SIGLEC12: variants seen among roughly 807,000 people sequenced by gnomAD.
SIGLEC12 encodes sialic acid-binding Ig-like lectin 12.
A neutral mutation model predicts 54.1 loss-of-function variants in SIGLEC12; 43 were observed. The observed-to-expected ratio is 0.80, with a 90% CI of 0.62 to 1.03. SIGLEC12 has a LOEUF of 1.03. Ranked by LOEUF, SIGLEC12 falls within the 50% of genes least tolerant of loss-of-function variation. The pLI, the probability that SIGLEC12 is intolerant of heterozygous loss-of-function variation, is 0.00. For synonymous variants in SIGLEC12, 357 were observed against 307.6 expected (o/e 1.16, Z -1.68); for missense variants, 802 against 735.2 (o/e 1.09, Z -1.05).
intron 7 of SIGLEC12, among the ~76,000 whole-genome samples, chr19:51,493,949 C>T (rs1000921295): frequency 8.5e-5 from 13 of 152,360 alleles, no homozygotes; most frequent in African/African-American, 2.9e-4. Flanking sequence ...CAGCCAGACA[C>T]GATTCACACA....
rs770869287 is a variant in SIGLEC12, at chr19:51,501,452, G to T, written c.282C>A (p.His94Gln). The T allele has an allele frequency of 6.2e-7, 1 of 1,614,220 alleles. No individual in the cohort carries two copies. Among genetic ancestry groups the T allele is most frequent in the South Asian group, 1.1e-5 (1 of 91,090 alleles). ...AVQEETRDRF[H>Q]LLGDPQNKDC... Reference sequence around the variant, plus strand: ...CCTTGTTCTGTGGGTCCCCAAGGAGGTGGAATCGGTCCCGAGTCTCCTCCT... The same window carrying T: ...CCTTGTTCTGTGGGTCCCCAAGGAGTTGGAATCGGTCCCGAGTCTCCTCCT... Residue 94 changes from histidine to glutamine, a missense_variant, in exon 1 of 8, where the codon CAC becomes CAA. Transcript: ENST00000291707.
chr19:51,495,913 T>G (rs1214749460), intron 7 of SIGLEC12, among the ~76,000 whole-genome samples: 1 of 150,930 alleles, frequency 6.6e-6, no homozygotes, highest in African/African-American at 2.4e-5. Flanking sequence ...AATCAGGGAG[T>G]GGGGAGAAAA....
Position 51,496,915 on chromosome 19 carries a change from C to T in SIGLEC12, c.1564G>A (p.Glu522Lys). The change falls in exon 7 of 8, where the codon GAG becomes AAG. Residue 522 changes from glutamate to lysine, a missense_variant. Transcript: ENST00000291707. Reference sequence around the variant, plus strand: ...GAGCCCCTGACAGCGTTTGCGTCCTCCATGCCTGTATCCCCCACGCCCACT... The same window carrying T: ...GAGCCCCTGACAGCGTTTGCGTCCTTCATGCCTGTATCCCCCACGCCCACT... ...PAVGVGDTGMEDANAVRGSAS... is the reference protein window; with the variant it reads ...PAVGVGDTGMKDANAVRGSAS... 1.9e-6 allele frequency: 3 copies of T among 1,613,996 alleles called. No homozygotes were observed. Among genetic ancestry groups the T allele is most frequent in the Non-Finnish European group, 2.5e-6 (3 of 1,180,034 alleles).
At position 51,491,499 on chromosome 19, in the gene SIGLEC12, G is replaced by GC. The variant is rs1476009291; in HGVS notation, c.*141dup. 1 of 792,150 alleles carries GC rather than the reference G, an allele frequency of 1.3e-6. No individual in the cohort carries two copies. Among genetic ancestry groups the GC allele is most frequent in the Non-Finnish European group, 2.0e-6 (1 of 493,090 alleles). 49.1% of individuals were successfully genotyped at this position (792,150 alleles called of 1,614,324 possible). A position where few individuals can be genotyped will look rare whatever the true frequency, so the allele number is the denominator to read the frequency against. ...AAGGGAGAGTTTGGTCATCAGGCAC[G>GC]CATTTTCAGTTTGACAAGAGGAATA... On this transcript the variant is annotated 3_prime_UTR_variant, in exon 8 of 8. Coordinates refer to ENST00000291707, the MANE Select transcript of SIGLEC12 (RefSeq NM_053003.4).
Position 51,498,980 on chromosome 19 carries a change from G to T in SIGLEC12, c.1135+190C>A, listed in dbSNP as rs533720315. On this transcript the variant is annotated intron_variant, in intron 4 of 7. Coordinates refer to ENST00000291707, the MANE Select transcript of SIGLEC12 (RefSeq NM_053003.4). Reference sequence around the variant, plus strand: ...CTTGCTGTGGGGCCAAAATAGGTGTGTGTGTGGAGGAGTTCAAGGGGAGTG... The same window carrying T: ...CTTGCTGTGGGGCCAAAATAGGTGTTTGTGTGGAGGAGTTCAAGGGGAGTG... Among the ~76,000 whole-genome samples the T allele has an allele frequency of 4.6e-5, 7 of 152,244 alleles. No homozygotes were observed. In the South Asian group the frequency reaches 8.3e-4, roughly 18 times the overall value.
chr19:51,501,702 A>G lies in SIGLEC12; in HGVS notation c.32T>C (p.Leu11Pro), dbSNP rs1990403384. 14 of 1,611,776 alleles carry G rather than the reference A, an allele frequency of 8.7e-6. No homozygotes were observed. Among genetic ancestry groups the G allele is most frequent in the African/African-American group, 1.3e-5 (1 of 74,878 alleles). Reference protein sequence around the residue: MLLLLLLLPPLLCGRVGAKEQ... With the variant: MLLLLLLLPPPLCGRVGAKEQ... The stretch of plus-strand genomic sequence containing the variant: ...CTTAGCCCCCACTCTCCCACAGAGC[A>G]GGGGTGGCAGCAGTAGCAGCAGCAG... The change falls in exon 1 of 8, where the codon CTG (leucine) becomes CCG (proline). Residue 11 changes from leucine (L) to proline (P), a missense_variant. By Grantham distance (98) the Leu-to-Pro change is moderately conservative. Transcript: ENST00000291707.
Position 51,499,944 on chromosome 19 carries a change from C to A in SIGLEC12, c.784G>T (p.Asp262Tyr), listed in dbSNP as rs1262955207. Reference sequence around the variant, plus strand: ...CCTGTCACATGCACAGAGAGCTTGTCATATATGTAGTTCCATTTCCTGCTT... The same window carrying A: ...CCTGTCACATGCACAGAGAGCTTGTAATATATGTAGTTCCATTTCCTGCTT... ...RGSRKWNYIY[D>Y]KLSVHVTALT... The change falls in exon 2 of 8, where the codon GAC (aspartate) becomes TAC (tyrosine). Residue 262 changes from aspartate to tyrosine, a missense_variant. Coordinates refer to ENST00000291707, the MANE Select transcript of SIGLEC12 (RefSeq NM_053003.4). 1 of 1,613,064 alleles carries A rather than the reference C, an allele frequency of 6.2e-7. No homozygotes were observed. Among genetic ancestry groups the A allele is most frequent in the Non-Finnish European group, 8.5e-7 (1 of 1,179,408 alleles).
At chr19:51,497,583 TCTC>T (rs1671853389) in intron 5 of SIGLEC12, 138 bp from the exon 6 acceptor site, 1 of 602,578 alleles carries the variant, frequency 1.7e-6, no homozygotes. Flanking sequence ...GAAGGGAACT[TCTC>T]CTGAGGTCAC....
At chr19:51,495,354 CAGACGGGTGGGT>C (rs1990211073) in intron 7 of SIGLEC12, among the ~76,000 whole-genome samples, 1 of 21,366 alleles carries the variant, frequency 4.7e-5, no homozygotes, top group South Asian at 2.7e-3. Flanking sequence ...GATGGATGGA[CAGACGGGTGGGT>C]GGATGGATGG....
chr19:51,497,283 G>A, intron 6 of SIGLEC12, 66 bp downstream of exon 6: 1 of 1,426,132 alleles, frequency 7.0e-7, no homozygotes, highest in Non-Finnish European at 9.8e-7. Context: ...TCCAGGTCTG[G>A]CTTCAGGGAT....
At chr19:51,496,768 G>A (rs1005773340) in intron 7 of SIGLEC12, 112 bp downstream of exon 7, 8 of 1,204,348 alleles carry the variant, frequency 6.6e-6, no homozygotes, top group African/African-American at 4.5e-5. Flanking sequence ...TGGACAGGAC[G>A]TGATTTTTCG....
intron 5 of SIGLEC12, among the ~76,000 whole-genome samples, 158 bp from the exon 6 acceptor site, chr19:51,497,603 A>G (rs1990277062): frequency 6.6e-6 from 1 of 152,258 alleles, no homozygotes; most frequent in South Asian, 2.1e-4. Flanking sequence ...TCACTGAGGC[A>G]TGAGAGTGCT....
rs986462449 is a variant in SIGLEC12 at position 51,492,883 on chromosome 19, G to T, written c.1600-1054C>A. The stretch of plus-strand genomic sequence containing the variant: ...CAGAACTTTAAGTTAATCCATGTTT[G>T]TTGTTTGAAGCCAGGAAATGTGTGG... On this transcript the variant is annotated intron_variant, in intron 7 of 7. Transcript: ENST00000291707. Among the ~76,000 whole-genome samples the T allele has an allele frequency of 1.1e-4, 17 of 152,224 alleles. No homozygotes were observed. In the East Asian group the frequency reaches 3.3e-3, roughly 29 times the overall value.
rs1568527285 is a variant in SIGLEC12 at position 51,491,731 on chromosome 19, TG to T, written c.1697del (p.Ala566AspfsTer40). 4 of 1,613,770 alleles carry T rather than the reference TG, an allele frequency of 2.5e-6. No individual in the cohort carries two copies. The highest frequency in any genetic ancestry group is 3.4e-6 in the Non-Finnish European group (4 of 1,179,900). ...PSPEEGEIQY[A>X]SLSFHKARPQ... ...GCCTCGCTTTGTGGAAGCTGAGGGA[TG>T]CATACTGGATCTCTCCTTCCTCTGG... is the stretch of plus-strand genomic sequence containing the variant. On this transcript the variant is annotated frameshift_variant, in exon 8 of 8. Coordinates refer to ENST00000291707, the MANE Select transcript of SIGLEC12 (RefSeq NM_053003.4). LOFTEE classifies it low-confidence loss of function (END_TRUNC).
intron 4 of SIGLEC12, among the ~76,000 whole-genome samples, chr19:51,498,524 C>T (rs1370071167): frequency 6.6e-6 from 1 of 152,198 alleles, no homozygotes; most frequent in Non-Finnish European, 1.5e-5. Context: ...GCTTTTAGGA[C>T]TTTATTCCAT....
Position 51,499,720 on chromosome 19 carries a change from G to A in SIGLEC12, c.809-4C>T. ...AAGGTGGGCATGTGAGTCAGGGCTG[G>A]TGATGAAAGGGAGACAGGCAAAATG... On this transcript the variant is annotated splice_region_variant and splice_polypyrimidine_tract_variant and intron_variant, in intron 2 of 7. Coordinates refer to ENST00000291707, the MANE Select transcript of SIGLEC12 (RefSeq NM_053003.4). 1.9e-6 allele frequency: 3 copies of A among 1,613,602 alleles called. No homozygotes were observed. Among genetic ancestry groups the A allele is most frequent in the Admixed American group, 1.7e-5 (1 of 59,944 alleles).
chr19:51,500,239 C>T lies in SIGLEC12; in HGVS notation c.489G>A (p.Glu163=). 1.2e-6 allele frequency: 2 copies of T among 1,614,194 alleles called. No homozygotes were observed. Among genetic ancestry groups the T allele is most frequent in the Non-Finnish European group, 8.5e-7 (1 of 1,180,022 alleles). The change falls in exon 2 of 8, where the codon GAG becomes GAA. Residue 163 remains glutamate (E), a synonymous_variant. Transcript: ENST00000291707. Reference sequence around the variant, plus strand: ...TGCAGGGCACAGAGACACACAGACCCTCCTGCACAGTCACCGACTCTGGCA... The same window carrying T: ...TGCAGGGCACAGAGACACACAGACCTTCCTGCACAGTCACCGACTCTGGCA... ...LEVPESVTVQ[E]GLCVSVPCSV...
intron 1 of SIGLEC12, among the ~76,000 whole-genome samples, chr19:51,500,691 C>A (rs1231623808): frequency 6.6e-6 from 1 of 151,946 alleles, no homozygotes; most frequent in Non-Finnish European, 1.5e-5. Flanking sequence ...TCTGGACCAT[C>A]GTGGAGGTCC....
At chr19:51,495,393 ATGGATGGGTGGGTGGGTGGG>A (rs796515796) in intron 7 of SIGLEC12, among the ~76,000 whole-genome samples, 18 of 71,016 alleles carry the variant, frequency 2.5e-4, no homozygotes, top group African/African-American at 7.6e-4. Context: ...GGATGGATGG[ATGGATGGGTGGGTGGGTGGG>A]TGGATGGATG....
Sources: gnomAD v4.1 joint callset for allele counts (sites outside exome capture counted in the v4.1 genomes callset) on GRCh38, gnomAD v4.1.1 for gene constraint, MANE v1.5 for transcripts, NCBI Gene and HGNC (gene_info 2026-07-23, HGNC 2026-07-21) for gene names.